ACTN2: variants seen among roughly 807,000 people sequenced by gnomAD.
ACTN2 encodes the protein alpha-actinin-2.
Under a neutral mutation model 113.8 loss-of-function variants are expected in ACTN2, and 39 were observed. The ratio of observed to expected loss-of-function variants is 0.34; its 90% CI spans 0.27 to 0.45. The LOEUF (loss-of-function observed/expected upper bound fraction) is 0.45, where lower values mean the gene tolerates loss of function less well. ACTN2 is among the 20% of genes least tolerant of loss of function. The pLI is 1.00. For synonymous variants in ACTN2, 429 were observed against 444.1 expected (o/e 0.97, Z 0.43); for missense variants, 992 against 1,177.9 (o/e 0.84, Z 2.31).
chr1:236,749,009 C>T, intron 13 of ACTN2, 115 bp from the exon 14 acceptor site: 1 of 1,193,316 alleles, frequency 8.4e-7, no homozygotes, highest in South Asian at 1.3e-5. Context: ...TAGACACATG[C>T]TAATACGATT....
At position 236,717,917 on chromosome 1, in the gene ACTN2, C is replaced by T. The variant is rs34403480; in HGVS notation, c.186C>T (p.Ile62=). The part of the protein sequence containing the change: ...LRKAGTQIEN[I]EEDFRNGLKL... Reference sequence around the variant, plus strand: ...AAGCCGGCACCCAGATTGAGAACATCGAGGAAGACTTCAGGAATGGCCTTA... The same window carrying T: ...AAGCCGGCACCCAGATTGAGAACATTGAGGAAGACTTCAGGAATGGCCTTA... Residue 62 remains isoleucine, a synonymous_variant, in exon 2 of 21, where the codon ATC becomes ATT. Transcript: ENST00000366578. 49 of 1,614,118 alleles carry T rather than the reference C, an allele frequency of 3.0e-5. No homozygotes were observed. The highest frequency in any genetic ancestry group is 2.8e-4 in the African/African-American group (21 of 75,022).
chr1:236,751,253 A>G (rs951363995), intron 14 of ACTN2, among the ~76,000 whole-genome samples: 10 of 152,200 alleles, frequency 6.6e-5, no homozygotes, highest in Non-Finnish European at 1.0e-4. Flanking sequence ...AATAGCCACC[A>G]ATATTATTAA....
At chr1:236,726,959 A>C (rs1404740944) in intron 5 of ACTN2, among the ~76,000 whole-genome samples, 1 of 152,198 alleles carries the variant, frequency 6.6e-6, no homozygotes, top group African/African-American at 2.4e-5. Flanking sequence ...TCAGCATTGT[A>C]GCACTGATAA....
chr1:236,709,839 G>T (rs899189086), intron 1 of ACTN2, among the ~76,000 whole-genome samples: 1 of 152,098 alleles, frequency 6.6e-6, no homozygotes, highest in African/African-American at 2.4e-5. Context: ...AAAGCCCTAC[G>T]TCTGGGATGA....
intron 1 of ACTN2, among the ~76,000 whole-genome samples, chr1:236,692,063 A>T (rs1666103248): frequency 6.6e-6 from 1 of 152,248 alleles, no homozygotes; most frequent in Non-Finnish European, 1.5e-5. Flanking sequence ...TGTTGGTGAG[A>T]TAAATCTGAG....
intron 1 of ACTN2, among the ~76,000 whole-genome samples, chr1:236,706,572 A>T (rs1030046649): frequency 1.3e-5 from 2 of 152,170 alleles, no homozygotes; most frequent in Admixed American, 6.6e-5. Context: ...GTTGGGGGAG[A>T]ATCAACAGAA....
intron 1 of ACTN2, among the ~76,000 whole-genome samples, chr1:236,702,960 G>T (rs994756125): frequency 6.6e-6 from 1 of 152,178 alleles, no homozygotes; most frequent in East Asian, 1.9e-4. Context: ...TTAAATTAAA[G>T]AATATTTATT....
At chr1:236,699,885 A>T (rs947703364) in intron 1 of ACTN2, among the ~76,000 whole-genome samples, 1 of 152,214 alleles carries the variant, frequency 6.6e-6, no homozygotes, top group African/African-American at 2.4e-5. Context: ...AATAAGTTTG[A>T]ATGGTTAATA....
intron 1 of ACTN2, among the ~76,000 whole-genome samples, chr1:236,705,301 GAAAGAC>G (rs149466097): frequency 0.015 from 2,287 of 152,152 alleles, 54 homozygotes; most frequent in African/African-American, 0.051. Context: ...CTTCTTAGAA[GAAAGAC>G]CCAGAAAGTA....
At chr1:236,758,537 C>A (rs1188545397) in intron 18 of ACTN2, among the ~76,000 whole-genome samples, 2 of 151,308 alleles carry the variant, frequency 1.3e-5, no homozygotes, top group Non-Finnish European at 2.9e-5. Context: ...GATCCACCCA[C>A]CTTGGCCTCC....
At chr1:236,718,380 G>T (rs1318392622) in intron 2 of ACTN2, among the ~76,000 whole-genome samples, 3 of 152,330 alleles carry the variant, frequency 2.0e-5, no homozygotes, top group East Asian at 3.8e-4. Flanking sequence ...GCTATGATTT[G>T]TCCTGAATTT....
chr1:236,711,941 G>T (rs1046274936), intron 1 of ACTN2, among the ~76,000 whole-genome samples: 1 of 152,164 alleles, frequency 6.6e-6, no homozygotes, highest in African/African-American at 2.4e-5. Context: ...TTCTTCTGTG[G>T]TCTGTATCTG....
At chr1:236,731,345 A>C in intron 7 of ACTN2, 31 bp downstream of exon 7, 1 of 1,575,518 alleles carries the variant, frequency 6.3e-7, no homozygotes, top group Non-Finnish European at 8.7e-7. Flanking sequence ...GCTGAGTTAC[A>C]GGAAATTTGA....
chr1:236,747,540 T>A, intron 12 of ACTN2, 127 bp from the exon 13 acceptor site: 1 of 810,264 alleles, frequency 1.2e-6, no homozygotes, highest in South Asian at 1.5e-5. Context: ...CCACTCTCTA[T>A]GTCCATGTGG....
intron 4 of ACTN2, among the ~76,000 whole-genome samples, chr1:236,724,928 G>A (rs1658506939): frequency 6.6e-6 from 1 of 151,558 alleles, no homozygotes; most frequent in Admixed American, 6.6e-5. Context: ...AAAATCACTG[G>A]GCAAAGGAAT....
chr1:236,723,850 G>A (rs1307582358), intron 4 of ACTN2, among the ~76,000 whole-genome samples: 1 of 152,136 alleles, frequency 6.6e-6, no homozygotes, highest in East Asian at 1.9e-4. Flanking sequence ...CCCCATGTTA[G>A]TTAGGAATCG....
intron 1 of ACTN2, among the ~76,000 whole-genome samples, chr1:236,708,565 ACT>A (rs960774838): frequency 1.3e-5 from 2 of 151,980 alleles, no homozygotes; most frequent in Non-Finnish European, 2.9e-5. Context: ...AGATGCCAAC[ACT>A]CTCTAAACGT....
intron 1 of ACTN2, among the ~76,000 whole-genome samples, chr1:236,691,390 C>A (rs1326436118): frequency 6.6e-6 from 1 of 151,870 alleles, no homozygotes; most frequent in Non-Finnish European, 1.5e-5. Context: ...TGCCTGTAAT[C>A]CCAGCACTTT....
chr1:236,752,977 G>A (rs1659446859), intron 15 of ACTN2, among the ~76,000 whole-genome samples: 1 of 152,220 alleles, frequency 6.6e-6, no homozygotes, highest in African/African-American at 2.4e-5. Flanking sequence ...TTTTGCAGAT[G>A]ACACAAAGAA....
Sources: allele counts gnomAD v4.1 joint callset (sites outside exome capture counted in the v4.1 genomes callset), GRCh38; gene constraint gnomAD v4.1.1; transcripts MANE v1.5; gene names NCBI Gene and HGNC (gene_info 2026-07-23, HGNC 2026-07-21).